CNTN1: variants seen among roughly 807,000 people sequenced by gnomAD.
The protein encoded by CNTN1 is contactin 1.
Under a neutral mutation model 126.4 loss-of-function variants are expected in CNTN1, and 38 were observed. The observed-to-expected ratio is 0.30, with a 90% CI of 0.23 to 0.39. CNTN1 has a LOEUF of 0.39. Among genes scored for constraint, CNTN1 ranks in the 10% least tolerant of loss-of-function variants. The probability of loss-of-function intolerance (pLI) is 1.00; values close to 1 mark genes in which losing one functional copy is unlikely to be tolerated. For missense variants in CNTN1, 1,009 were observed against 1,248.4 expected (o/e 0.81, Z 2.89); for synonymous variants, 413 against 422.6 (o/e 0.98, Z 0.28).
At chr12:40,848,825 G>GTGT (rs1942611002) in intron 1 of CNTN1, among the ~76,000 whole-genome samples, 1 of 135,868 alleles carries the variant, frequency 7.4e-6, no homozygotes, top group Non-Finnish European at 1.6e-5. Context: ...CACCAGGTGT[G>GTGT]TTTTTTTTTT....
intron 1 of CNTN1, among the ~76,000 whole-genome samples, chr12:40,886,172 A>T (rs1944023437): frequency 1.3e-5 from 2 of 151,966 alleles, no homozygotes; most frequent in Non-Finnish European, 2.9e-5. Flanking sequence ...GATTGTTGTA[A>T]ATACAATTTT....
At chr12:40,995,631 T>G (rs2120536577) in intron 17 of CNTN1, among the ~76,000 whole-genome samples, 1 of 152,286 alleles carries the variant, frequency 6.6e-6, no homozygotes, top group East Asian at 1.9e-4. Flanking sequence ...TCTGATGTGC[T>G]TACAAAATAA....
At chr12:40,704,951 A>G (rs1941701659) in intron 1 of CNTN1, among the ~76,000 whole-genome samples, 6 of 152,186 alleles carry the variant, frequency 3.9e-5, no homozygotes, top group Admixed American at 3.9e-4. Context: ...ATCATTGCTC[A>G]ACATGTGAAA....
chr12:40,947,788 C>CGT (rs1946489439), intron 14 of CNTN1, among the ~76,000 whole-genome samples: 6 of 101,432 alleles, frequency 5.9e-5, no homozygotes, highest in Admixed American at 1.2e-4. Flanking sequence ...TATATACACA[C>CGT]ACACACACAC....
Position 40,936,975 on chromosome 12 carries a change from T to A in CNTN1, c.1110+70T>A, listed in dbSNP as rs1592284034. The stretch of plus-strand genomic sequence containing the variant: ...GCAGTGTTTCAGGGTAGTCCTGGGA[T>A]AAATTTAGCAGGAGAGACAATACAG... On this transcript the variant is annotated intron_variant, in intron 10 of 23. Coordinates refer to ENST00000551295, the MANE Select transcript of CNTN1 (RefSeq NM_001843.4). 8 of 1,592,778 alleles carry A rather than the reference T, an allele frequency of 5.0e-6. No individual in the cohort carries two copies. In the East Asian group the frequency reaches 1.8e-4, roughly 36 times the overall value.
At chr12:40,759,018 C>A (rs1199213466) in intron 1 of CNTN1, among the ~76,000 whole-genome samples, 1 of 152,126 alleles carries the variant, frequency 6.6e-6, no homozygotes. Context: ...ATTCTCCTGC[C>A]TCGGCCTCCC....
chr12:41,047,621 G>A (rs760940834), intron 23 of CNTN1, among the ~76,000 whole-genome samples: 2 of 151,622 alleles, frequency 1.3e-5, no homozygotes, highest in African/African-American at 4.9e-5. Flanking sequence ...TAGCCTCTAG[G>A]GCCACTCTTA....
At position 40,844,069 on chromosome 12, in the gene CNTN1, A is replaced by ATTTTTTTTT. The variant is rs397957366; in HGVS notation, c.-76-64280_-76-64272dup. On this transcript the variant is annotated intron_variant, in intron 1 of 23. Transcript: ENST00000551295. ...ATTGAAAAAATTCTTTGGCACAATGATTTTTTTTTTTTTTTTGAGACGGAG... is the reference window on the plus strand; with the variant it reads ...ATTGAAAAAATTCTTTGGCACAATGATTTTTTTTTTTTTTTTTTTTTTTTTGAGACGGAG... 3.7e-3 allele frequency among the ~76,000 whole-genome samples: 317 copies of ATTTTTTTTT among 84,626 alleles called. 86 individuals are homozygous for ATTTTTTTTT. The highest frequency in any genetic ancestry group is 6.4e-3 in the Non-Finnish European group (275 of 43,244). The allele number at this position is 84,626 out of a possible 152,430, so 55.5% of individuals were successfully genotyped here.
intron 14 of CNTN1, among the ~76,000 whole-genome samples, chr12:40,951,137 GT>G (rs1213655462): frequency 6.6e-6 from 1 of 152,090 alleles, no homozygotes; most frequent in Admixed American, 6.6e-5. Flanking sequence ...AGGCATTGAT[GT>G]TTTTGTCCAT....
chr12:40,776,476 G>C (rs1462148624), intron 1 of CNTN1, among the ~76,000 whole-genome samples: 1 of 151,494 alleles, frequency 6.6e-6, no homozygotes, highest in Admixed American at 6.6e-5. Context: ...TAGGTCTTCT[G>C]TGAAATACTG....
intron 1 of CNTN1, among the ~76,000 whole-genome samples, chr12:40,806,367 A>G (rs898347780): frequency 6.6e-6 from 1 of 151,928 alleles, no homozygotes; most frequent in African/African-American, 2.4e-5. Context: ...GTGTGGTTTT[A>G]TTTGTTTGTT....
chr12:40,822,721 A>AGAACC (rs1941491739), intron 1 of CNTN1, among the ~76,000 whole-genome samples: 1 of 152,220 alleles, frequency 6.6e-6, no homozygotes, highest in South Asian at 2.1e-4. Context: ...AAAAATCTAT[A>AGAACC]GAATAAGGTA....
chr12:40,739,807 T>C (rs1203437630), intron 1 of CNTN1, among the ~76,000 whole-genome samples: 5 of 152,074 alleles, frequency 3.3e-5, no homozygotes, highest in Admixed American at 6.6e-5. Context: ...CAGACCTCAG[T>C]TGTAGTAACA....
At chr12:40,977,336 G>T (rs532470222) in intron 15 of CNTN1, among the ~76,000 whole-genome samples, 7 of 152,232 alleles carry the variant, frequency 4.6e-5, no homozygotes, top group African/African-American at 1.7e-4. Flanking sequence ...GATTGTAAAT[G>T]CTTCTTATTA....
At chr12:40,873,143 T>A (rs763829021) in intron 1 of CNTN1, among the ~76,000 whole-genome samples, 17 of 152,144 alleles carry the variant, frequency 1.1e-4, no homozygotes, top group Admixed American at 3.3e-4. Flanking sequence ...GTGGAACATA[T>A]TATAATGAAG....
chr12:40,907,946 G>C (rs1352848109), intron 1 of CNTN1, among the ~76,000 whole-genome samples: 2 of 152,124 alleles, frequency 1.3e-5, no homozygotes, highest in Non-Finnish European at 2.9e-5. Flanking sequence ...TTTGAACCAG[G>C]CCTTCCGTTA....
At chr12:40,713,449 A>AGT (rs1302908167) in intron 1 of CNTN1, among the ~76,000 whole-genome samples, 4 of 143,364 alleles carry the variant, frequency 2.8e-5, no homozygotes, top group Non-Finnish European at 6.0e-5. Flanking sequence ...TACTAAATAA[A>AGT]GTATATATAT....
intron 1 of CNTN1, among the ~76,000 whole-genome samples, chr12:40,899,075 T>C (rs1944512063): frequency 6.6e-6 from 1 of 152,188 alleles, no homozygotes; most frequent in African/African-American, 2.4e-5. Flanking sequence ...TCAGGGTACA[T>C]TGAGTGAGCT....
chr12:40,925,587 ACATG>A (rs1945628341), intron 6 of CNTN1, among the ~76,000 whole-genome samples: 1 of 144,364 alleles, frequency 6.9e-6, no homozygotes, highest in Non-Finnish European at 1.5e-5. Context: ...ACGTATATAT[ACATG>A]TATATATATA....
Sources: gnomAD v4.1 joint callset for allele counts (sites outside exome capture counted in the v4.1 genomes callset) on GRCh38, gnomAD v4.1.1 for gene constraint, MANE v1.5 for transcripts, NCBI Gene and HGNC (gene_info 2026-07-23, HGNC 2026-07-21) for gene names.